OPHN1: variants seen among roughly 807,000 people sequenced by gnomAD.
OPHN1 encodes oligophrenin 1.
OPHN1 carries 11 observed loss-of-function variants against 60.7 expected under a neutral mutation model. The ratio of observed to expected loss-of-function variants is 0.18; its 90% CI spans 0.11 to 0.30. The LOEUF is 0.30. Among genes scored for constraint, OPHN1 ranks in the 10% least tolerant of loss-of-function variants. The pLI, the probability that OPHN1 is intolerant of heterozygous loss-of-function variation, is 1.00. For synonymous variants in OPHN1, 226 were observed against 222.6 expected, an observed-to-expected ratio of 1.02 and a Z score of -0.14; for missense variants, 449 against 611.0, an observed-to-expected ratio of 0.73 and a Z score of 2.80.
chrX:68,393,885 GTTTTTTTTTTTT>G (rs1163192446), intron 2 of OPHN1, among the ~76,000 whole-genome samples: 4 of 34,600 alleles, frequency 1.2e-4, no homozygotes, highest in East Asian at 1.2e-3. Context: ...AATAGACTTT[GTTTTTTTTTTTT>G]TTTTTTTTTT....
intron 6 of OPHN1, among the ~76,000 whole-genome samples, chrX:68,215,898 A>G (rs528574707): frequency 1.8e-5 from 2 of 111,806 alleles, no homozygotes; most frequent in South Asian, 7.5e-4. Context: ...AAGAAAAATG[A>G]TATGTCGGAA....
At chrX:68,211,625 T>G (rs1420515664) in intron 8 of OPHN1, among the ~76,000 whole-genome samples, 1 of 112,584 alleles carries the variant, frequency 8.9e-6, no homozygotes, top group African/African-American at 3.2e-5. Flanking sequence ...CATGCCCATC[T>G]GTAAGAACCA....
At chrX:68,201,762 T>C in intron 10 of OPHN1, 52 bp from the exon 11 acceptor site, 1 of 1,025,623 alleles carries the variant, frequency 9.8e-7, no homozygotes, top group South Asian at 1.9e-5. Context: ...ACACAGAAGC[T>C]GTTTCTGCTT....
At chrX:68,283,336 T>G (rs1381482918) in intron 3 of OPHN1, among the ~76,000 whole-genome samples, 1 of 111,673 alleles carries the variant, frequency 9.0e-6, no homozygotes, top group Non-Finnish European at 1.9e-5. Flanking sequence ...CTTTAATATT[T>G]TATTTAATCC....
chrX:68,178,801 T>G (rs951745608), intron 15 of OPHN1, among the ~76,000 whole-genome samples: 6 of 112,354 alleles, frequency 5.3e-5, no homozygotes, highest in African/African-American at 1.6e-4. Flanking sequence ...TATATCTTAC[T>G]TCTAGGTATG....
intron 5 of OPHN1, among the ~76,000 whole-genome samples, chrX:68,271,280 C>T (rs1473075747): frequency 9.1e-6 from 1 of 109,975 alleles, no homozygotes; most frequent in East Asian, 2.9e-4. Flanking sequence ...AATTCTAACA[C>T]TTTGGGAGGC....
At chrX:68,266,090 T>C (rs772656212) in intron 5 of OPHN1, among the ~76,000 whole-genome samples, 3 of 111,696 alleles carry the variant, frequency 2.7e-5, no homozygotes, top group Admixed American at 1.9e-4. Flanking sequence ...TGGAACCAAG[T>C]TGGAAAACAC....
chrX:68,426,626 A>G lies in OPHN1; in HGVS notation c.154+6241T>C, dbSNP rs940312829. 4.2e-3 allele frequency among the ~76,000 whole-genome samples: 303 copies of G among 72,882 alleles called. 5 individuals are homozygous for G. Among genetic ancestry groups the G allele is most frequent in the African/African-American group, 0.012 (290 of 24,110 alleles). The allele number at this position is 72,882 out of a possible 115,157, so 63.3% of individuals were successfully genotyped here. On this transcript the variant is annotated intron_variant, in intron 2 of 24. Coordinates refer to ENST00000355520, the MANE Select transcript of OPHN1 (RefSeq NM_002547.3). The stretch of plus-strand genomic sequence containing the variant: ...ACCTATAATGCCAACACTTTGGGAG[A>G]CTGAGGTGGAAAAAACATTTGAGCC...
chrX:68,102,749 T>G (rs764327729), intron 18 of OPHN1, among the ~76,000 whole-genome samples: 1 of 111,552 alleles, frequency 9.0e-6, no homozygotes, highest in African/African-American at 3.3e-5. Flanking sequence ...TATAAATACC[T>G]CTACACAAAT....
intron 2 of OPHN1, among the ~76,000 whole-genome samples, chrX:68,406,480 C>T (rs1029288810): frequency 2.7e-5 from 3 of 109,655 alleles, no homozygotes; most frequent in African/African-American, 6.6e-5. Context: ...GGCATAGTGG[C>T]GGGCACCTGT....
At chrX:68,315,532 A>G (rs1219479596) in intron 2 of OPHN1, among the ~76,000 whole-genome samples, 2 of 111,995 alleles carry the variant, frequency 1.8e-5, no homozygotes, top group Admixed American at 1.9e-4. Flanking sequence ...TACCACTTCT[A>G]TTCAACACAG....
Position 68,183,809 on chromosome X carries a change from C to T in OPHN1, c.1276+9110G>A, listed in dbSNP as rs184016132. ...TACGTATTAATTAGCTTGTTTTCTC[C>T]TACTAATCTTGTCTTTTGTTACAAG... On this transcript the variant is annotated intron_variant, in intron 15 of 24. Transcript: ENST00000355520. Among the ~76,000 whole-genome samples the T allele has an allele frequency of 2.1e-3, 231 of 112,493 alleles. 1 individual carries two copies. Among genetic ancestry groups the T allele is most frequent in the African/African-American group, 6.9e-3 (215 of 30,996 alleles).
At chrX:68,389,958 G>A (rs1461678038) in intron 2 of OPHN1, among the ~76,000 whole-genome samples, 1 of 111,770 alleles carries the variant, frequency 8.9e-6, no homozygotes, top group East Asian at 2.8e-4. Context: ...CAGTTCCACA[G>A]GGTTGGGAAG....
chrX:68,263,475 TA>T (rs2077904914), intron 5 of OPHN1, among the ~76,000 whole-genome samples: 1 of 112,094 alleles, frequency 8.9e-6, no homozygotes, highest in African/African-American at 3.2e-5. Flanking sequence ...CTATCCTCCC[TA>T]TTCTATTACC....
chrX:68,380,267 G>A (rs2078588553), intron 2 of OPHN1, among the ~76,000 whole-genome samples: 1 of 111,303 alleles, frequency 9.0e-6, no homozygotes. Flanking sequence ...TGTGGGATCG[G>A]TGGTGACATC....
intron 19 of OPHN1, among the ~76,000 whole-genome samples, chrX:68,080,417 T>G (rs2076970047): frequency 8.9e-6 from 1 of 112,415 alleles, no homozygotes; most frequent in Non-Finnish European, 1.9e-5. Flanking sequence ...TGCTAATTGC[T>G]TACTGGTACC....
intron 21 of OPHN1, among the ~76,000 whole-genome samples, chrX:68,062,924 A>C (rs778139699): frequency 4.5e-5 from 5 of 111,861 alleles, no homozygotes; most frequent in African/African-American, 6.5e-5. Context: ...CACACCTTGA[A>C]TTTGCAATAA....
At chrX:68,336,734 A>G (rs142597457) in intron 2 of OPHN1, among the ~76,000 whole-genome samples, 1,854 of 109,087 alleles carry the variant, frequency 0.017, 35 homozygotes, top group African/African-American at 0.051. Context: ...TTATTTTCCA[A>G]TATGATCACA....
intron 15 of OPHN1, among the ~76,000 whole-genome samples, chrX:68,160,654 A>G (rs7883765): frequency 0.24 from 27,072 of 110,686 alleles, 3,738 homozygotes; most frequent in African/African-American, 0.51. Flanking sequence ...GTGAACATTA[A>G]ACAATATACT....
Sources: allele counts gnomAD v4.1 joint callset (sites outside exome capture counted in the v4.1 genomes callset), GRCh38; gene constraint gnomAD v4.1.1; transcripts MANE v1.5; gene names NCBI Gene and HGNC (gene_info 2026-07-23, HGNC 2026-07-21).